The following AP3S1 variants were observed in gnomAD, a reference collection of about 807,000 sequenced individuals.
AP3S1 encodes the protein AP-3 complex subunit sigma-1.
Under a neutral mutation model 21.3 loss-of-function variants are expected in AP3S1, and 12 were observed. That is an observed-to-expected ratio of 0.56 (90% CI 0.36 to 0.91). The LOEUF (loss-of-function observed/expected upper bound fraction) is 0.91, where lower values mean the gene tolerates loss of function less well. Ranked by LOEUF, AP3S1 falls within the 40% of genes least tolerant of loss-of-function variation. AP3S1 has a pLI of 0.01. For missense variants in AP3S1, 116 were observed against 225.0 expected (o/e 0.52, Z 3.10); for synonymous variants, 48 against 78.4 (o/e 0.61, Z 2.05).
Position 115,913,283 on chromosome 5 carries a change from T to C in AP3S1, c.454-79T>C, listed in dbSNP as rs1752242232. 3.1e-5 allele frequency: 31 copies of C among 1,016,164 alleles called. No individual in the cohort carries two copies. The South Asian group carries it at 1.1e-3, about 35-fold the overall frequency. The allele number at this position is 1,016,164 out of a possible 1,614,324, so 62.9% of individuals were successfully genotyped here. A position where few individuals can be genotyped will look rare whatever the true frequency, so the allele number is the denominator to read the frequency against. On this transcript the variant is annotated intron_variant, in intron 5 of 5. Transcript: ENST00000316788. The stretch of plus-strand genomic sequence containing the variant: ...GTTATATGAAAATCTTTTATCATTG[T>C]CTTCCATTGTAAGTGTTTTATGATG...
chr5:115,891,331 T>C (rs975395713), intron 3 of AP3S1, among the ~76,000 whole-genome samples: 4 of 152,132 alleles, frequency 2.6e-5, no homozygotes, highest in Non-Finnish European at 5.9e-5. Context: ...GCAGTTCTCC[T>C]GCTGGGTGTC....
At chr5:115,878,906 C>T (rs773049062) in intron 3 of AP3S1, among the ~76,000 whole-genome samples, 21 of 152,036 alleles carry the variant, frequency 1.4e-4, no homozygotes, top group Non-Finnish European at 2.6e-4. Flanking sequence ...TTGAAGAGGC[C>T]CTTCACATCC....
intron 1 of AP3S1, among the ~76,000 whole-genome samples, chr5:115,849,137 A>G (rs575644142): frequency 6.6e-6 from 1 of 152,182 alleles, no homozygotes; most frequent in African/African-American, 2.4e-5. Flanking sequence ...AGCACTAGTA[A>G]TACAGTGATA....
intron 5 of AP3S1, among the ~76,000 whole-genome samples, chr5:115,906,192 T>A (rs1751640803): frequency 6.6e-6 from 1 of 152,096 alleles, no homozygotes; most frequent in Non-Finnish European, 1.5e-5. Flanking sequence ...TTGTTTAAAA[T>A]CGAGAATGTC....
chr5:115,913,731 A>G lies in AP3S1; in HGVS notation c.*241A>G, dbSNP rs1752292892. The G allele has an allele frequency of 5.1e-6, 3 of 592,790 alleles. No individual in the cohort carries two copies. The highest frequency in any genetic ancestry group is 3.7e-5 in the Admixed American group (1 of 27,084). 36.7% of individuals were successfully genotyped at this position (592,790 alleles called of 1,614,324 possible). A position where few individuals can be genotyped will look rare whatever the true frequency, so the allele number is the denominator to read the frequency against. ...TTTTTTTTTTTCTTTTCTAAACTGC[A>G]TTCCTGTGCCCACCTACGGCATGCC... On this transcript the variant is annotated 3_prime_UTR_variant, in exon 6 of 6. Coordinates refer to ENST00000316788, the MANE Select transcript of AP3S1 (RefSeq NM_001284.4).
chr5:115,879,951 A>G (rs933377340), intron 3 of AP3S1, among the ~76,000 whole-genome samples: 9 of 152,168 alleles, frequency 5.9e-5, no homozygotes, highest in African/African-American at 1.9e-4. Context: ...GTATGTGTCC[A>G]GGAATTTATC....
intron 1 of AP3S1, among the ~76,000 whole-genome samples, chr5:115,847,819 G>C (rs1378464983): frequency 6.6e-6 from 1 of 152,122 alleles, no homozygotes; most frequent in African/African-American, 2.4e-5. Context: ...GATTGCTTCT[G>C]AGGTTGTTAA....
chr5:115,907,074 T>TA (rs1751712563), intron 5 of AP3S1: 1 of 870,528 alleles, frequency 1.1e-6, no homozygotes, highest in African/African-American at 1.8e-5. Flanking sequence ...ATGTCATGTT[T>TA]GTTCTGTTTT....
At chr5:115,867,629 A>G (rs1747811944) in intron 2 of AP3S1, among the ~76,000 whole-genome samples, 1 of 152,194 alleles carries the variant, frequency 6.6e-6, no homozygotes, top group Non-Finnish European at 1.5e-5. Flanking sequence ...TGCTGTCCTT[A>G]AATGTCCAAT....
chr5:115,886,626 G>A (rs1287848378), intron 3 of AP3S1, among the ~76,000 whole-genome samples: 1 of 152,104 alleles, frequency 6.6e-6, no homozygotes, highest in Non-Finnish European at 1.5e-5. Flanking sequence ...TCAACAGCAG[G>A]CCATTGTAGT....
intron 1 of AP3S1, among the ~76,000 whole-genome samples, chr5:115,858,636 G>A (rs371619492): frequency 1.3e-5 from 2 of 151,606 alleles, no homozygotes; most frequent in East Asian, 1.9e-4. Flanking sequence ...ACTCTTCTAC[G>A]TATCTTATTC....
chr5:115,851,202 T>C (rs171809), intron 1 of AP3S1, among the ~76,000 whole-genome samples: 59,925 of 151,940 alleles, frequency 0.39, 12,184 homozygotes, highest in African/African-American at 0.48. Flanking sequence ...GTTTCTTTCT[T>C]GATGCCGTAT....
chr5:115,883,291 C>G (rs775731846), intron 3 of AP3S1, among the ~76,000 whole-genome samples: 2 of 152,196 alleles, frequency 1.3e-5, no homozygotes, highest in African/African-American at 4.8e-5. Context: ...TCTGCCCAAA[C>G]GGCCACCCAG....
At chr5:115,897,177 C>A (rs1000188075) in intron 4 of AP3S1, among the ~76,000 whole-genome samples, 2 of 152,138 alleles carry the variant, frequency 1.3e-5, no homozygotes, top group Admixed American at 1.3e-4. Flanking sequence ...GATTTTACAT[C>A]TTTAAAACAA....
intron 3 of AP3S1, among the ~76,000 whole-genome samples, chr5:115,894,704 T>G (rs1287118837): frequency 6.6e-6 from 1 of 152,212 alleles, no homozygotes; most frequent in East Asian, 1.9e-4. Context: ...CTGCATTAGA[T>G]ATAGTAGGGA....
chr5:115,842,405 C>G (rs749585508), intron 1 of AP3S1: 1 of 290,726 alleles, frequency 3.4e-6, no homozygotes, highest in African/African-American at 2.2e-5. Context: ...CCGGCCCTCG[C>G]CGATCGGGCA....
intron 1 of AP3S1, 35 bp from the exon 2 acceptor site, chr5:115,866,635 C>G: frequency 7.0e-7 from 1 of 1,436,612 alleles, no homozygotes; most frequent in African/African-American, 1.4e-5. Context: ...AACCTATACA[C>G]TCCATCCTAA....
chr5:115,848,287 G>A (rs759029659), intron 1 of AP3S1, among the ~76,000 whole-genome samples: 5 of 151,682 alleles, frequency 3.3e-5, no homozygotes, highest in Non-Finnish European at 7.4e-5. Context: ...ATTTCCCCCC[G>A]GTCTTTATTT....
chr5:115,849,870 A>C (rs1347818547), intron 1 of AP3S1, among the ~76,000 whole-genome samples: 2 of 152,020 alleles, frequency 1.3e-5, no homozygotes, highest in Admixed American at 6.6e-5. Context: ...TATGCTAGGC[A>C]ACCATAGCAG....
Sources: gnomAD v4.1 joint callset for allele counts (sites outside exome capture counted in the v4.1 genomes callset) on GRCh38, gnomAD v4.1.1 for gene constraint, MANE v1.5 for transcripts, NCBI Gene and HGNC (gene_info 2026-07-23, HGNC 2026-07-21) for gene names.